The following SLC13A3 variants were observed in gnomAD, a reference collection of about 807,000 sequenced individuals.
SLC13A3 encodes solute carrier family 13 member 3.
SLC13A3 carries 40 observed loss-of-function variants against 59.0 expected under a neutral mutation model. The ratio of observed to expected loss-of-function variants is 0.68; its 90% CI spans 0.53 to 0.88. SLC13A3 has a LOEUF of 0.88. Among genes scored for constraint, SLC13A3 ranks in the 40% least tolerant of loss-of-function variants. The pLI is 0.00. For synonymous variants in SLC13A3, 317 were observed against 330.3 expected, an observed-to-expected ratio of 0.96 and a Z score of 0.44; for missense variants, 699 against 783.2, an observed-to-expected ratio of 0.89 and a Z score of 1.28.
chr20:46,574,838 T>TC (rs1307820377), intron 10 of SLC13A3, among the ~76,000 whole-genome samples: 3 of 52,394 alleles, frequency 5.7e-5, no homozygotes, highest in Non-Finnish European at 4.5e-5. Flanking sequence ...TTTTTCTTTT[T>TC]CTTTTTTTTT....
In SLC13A3 at chr20:46,632,921, A is replaced by C. The variant is rs62214374; in HGVS notation, c.111+18390T>G. 7.1e-4 allele frequency among the ~76,000 whole-genome samples: 52 copies of C among 73,338 alleles called. 2 individuals are homozygous for C. The highest frequency in any genetic ancestry group is 6.1e-3 in the Middle Eastern group (1 of 164). The allele number at this position is 73,338 out of a possible 152,430, so 48.1% of individuals were successfully genotyped here. ...GATAGATAGATAGATATATCTATCT[A>C]TCTATCTATCTATCTATCTATCTAT... is the stretch of plus-strand genomic sequence containing the variant. On this transcript the variant is annotated intron_variant, in intron 1 of 12. Transcript: ENST00000279027.
intron 12 of SLC13A3, among the ~76,000 whole-genome samples, chr20:46,561,191 C>T (rs2061927345): frequency 6.6e-6 from 1 of 152,062 alleles, no homozygotes; most frequent in Admixed American, 6.5e-5. Flanking sequence ...ACCTGGTAGC[C>T]CCCTGCCCTC....
chr20:46,662,059 G>C (rs560109275), intron 1 of SLC13A3, among the ~76,000 whole-genome samples: 1 of 152,226 alleles, frequency 6.6e-6, no homozygotes, highest in African/African-American at 2.4e-5. Context: ...TGAAAATTTA[G>C]CTGGTTTCTT....
At chr20:46,596,648 G>C (rs186086385) in intron 4 of SLC13A3, among the ~76,000 whole-genome samples, 1 of 152,222 alleles carries the variant, frequency 6.6e-6, no homozygotes, top group Non-Finnish European at 1.5e-5. Context: ...TTCCTGAATG[G>C]AACACCAATG....
intron 11 of SLC13A3, 122 bp downstream of exon 11, chr20:46,566,107 T>C: frequency 1.3e-6 from 1 of 756,880 alleles, no homozygotes; most frequent in East Asian, 2.5e-5. Context: ...TCTGATACGT[T>C]CATGTATTTT....
chr20:46,574,158 C>T (rs560591834), intron 10 of SLC13A3, among the ~76,000 whole-genome samples: 2 of 152,214 alleles, frequency 1.3e-5, no homozygotes, highest in Admixed American at 6.5e-5. Context: ...TTATAAAGAT[C>T]GACTGAGTCA....
intron 6 of SLC13A3, 125 bp downstream of exon 6, chr20:46,592,279 A>ACAT: frequency 8.2e-7 from 1 of 1,223,614 alleles, no homozygotes; most frequent in African/African-American, 1.5e-5. Flanking sequence ...ATACATACAT[A>ACAT]AAAGAAAGAA....
At chr20:46,601,932 G>T (rs1455585606) in intron 3 of SLC13A3, among the ~76,000 whole-genome samples, 5 of 152,140 alleles carry the variant, frequency 3.3e-5, no homozygotes, top group African/African-American at 9.7e-5. Flanking sequence ...ATCATGCAGG[G>T]ATCTCAGAGC....
At chr20:46,635,381 G>T (rs558393635) in intron 1 of SLC13A3, among the ~76,000 whole-genome samples, 1 of 152,276 alleles carries the variant, frequency 6.6e-6, no homozygotes, top group Non-Finnish European at 1.5e-5. Context: ...GCACAGCCGC[G>T]TCCATGCAAA....
At chr20:46,680,707 A>C (rs758468089) in intron 1 of SLC13A3, among the ~76,000 whole-genome samples, 8 of 152,222 alleles carry the variant, frequency 5.3e-5, no homozygotes, top group Non-Finnish European at 7.4e-5. Context: ...AATTGACTGA[A>C]GCTGCTGCTG....
At chr20:46,563,165 A>G (rs202399) in intron 12 of SLC13A3, among the ~76,000 whole-genome samples, 134,061 of 152,246 alleles carry the variant, frequency 0.88, 59,344 homozygotes, top group East Asian at 0.99. Context: ...TCCAGAGGGA[A>G]GGGGAAGTTC....
upstream of SLC13A3, among the ~76,000 whole-genome samples, chr20:46,675,038 T>C (rs1430010175): frequency 6.6e-6 from 1 of 151,738 alleles, no homozygotes; most frequent in African/African-American, 2.4e-5. Flanking sequence ...GTGGGAAAAG[T>C]GTTTCAGGGA....
chr20:46,650,990 C>T (rs2062946581), intron 1 of SLC13A3, among the ~76,000 whole-genome samples: 1 of 152,124 alleles, frequency 6.6e-6, no homozygotes, highest in Non-Finnish European at 1.5e-5. Flanking sequence ...GAGTTGGAGG[C>T]TGCAGTGAGC....
At chr20:46,587,348 C>T (rs768566906) in intron 8 of SLC13A3, among the ~76,000 whole-genome samples, 3 of 152,160 alleles carry the variant, frequency 2.0e-5, no homozygotes, top group East Asian at 1.9e-4. Flanking sequence ...CCAATGGCTG[C>T]CCACTGCTCA....
At chr20:46,609,370 TG>T (rs1356813231) in intron 3 of SLC13A3, among the ~76,000 whole-genome samples, 1 of 152,222 alleles carries the variant, frequency 6.6e-6, no homozygotes, top group Non-Finnish European at 1.5e-5. Context: ...GTGTATGTTT[TG>T]TTTTATTAAG....
chr20:46,566,462 A>C (rs1281342307), intron 10 of SLC13A3, 72 bp from the exon 11 acceptor site: 1 of 1,510,920 alleles, frequency 6.6e-7, no homozygotes, highest in Non-Finnish European at 9.0e-7. Context: ...GGGTTAGGAT[A>C]GATCACAACA....
chr20:46,631,567 G>C (rs1205032296), intron 1 of SLC13A3, among the ~76,000 whole-genome samples: 1 of 152,086 alleles, frequency 6.6e-6, no homozygotes, highest in Non-Finnish European at 1.5e-5. Context: ...CTTCAATCTT[G>C]CTCTCCAAAT....
intron 1 of SLC13A3, among the ~76,000 whole-genome samples, chr20:46,676,667 C>G (rs1473123723): frequency 6.6e-6 from 1 of 151,846 alleles, no homozygotes; most frequent in African/African-American, 2.4e-5. Flanking sequence ...CTCACTGCAG[C>G]CTTGAACTCC....
Position 46,599,965 on chromosome 20 carries a change from A to G in SLC13A3, c.608+6T>C. The G allele has an allele frequency of 6.4e-7, 1 of 1,562,806 alleles. No individual in the cohort carries two copies. Among genetic ancestry groups the G allele is most frequent in the Non-Finnish European group, 8.7e-7 (1 of 1,144,272 alleles). On this transcript the variant is annotated splice_donor_region_variant and intron_variant, in intron 4 of 12. Transcript: ENST00000279027. ...GGGTCCTCTATGAATTTCACCAGTAACTTACGCTTCTGTGCTGGCGAGAAA... is the reference window on the plus strand; with the variant it reads ...GGGTCCTCTATGAATTTCACCAGTAGCTTACGCTTCTGTGCTGGCGAGAAA...
Sources: allele counts gnomAD v4.1 joint callset (sites outside exome capture counted in the v4.1 genomes callset), GRCh38; gene constraint gnomAD v4.1.1; transcripts MANE v1.5; gene names NCBI Gene and HGNC (gene_info 2026-07-23, HGNC 2026-07-21).